Variants in FHIT observed in about 807,000 individuals in gnomAD.
FHIT encodes bis(5'-adenosyl)-triphosphatase.
A neutral mutation model predicts 17.9 loss-of-function variants in FHIT; 19 were observed. The observed-to-expected ratio is 1.06, with a 90% CI of 0.74 to 1.56. FHIT has a LOEUF of 1.56. Ranked by LOEUF, FHIT falls within the 40% of genes most tolerant of loss-of-function variation. FHIT has a pLI of 0.00. For synonymous variants in FHIT, 81 were observed against 69.7 expected (o/e 1.16, Z -0.81); for missense variants, 248 against 189.2 (o/e 1.31, Z -1.82).
intron 8 of FHIT, among the ~76,000 whole-genome samples, chr3:59,756,747 G>A (rs1701240318): frequency 6.6e-6 from 1 of 152,152 alleles, no homozygotes; most frequent in Non-Finnish European, 1.5e-5. Context: ...GGGATCATGT[G>A]CAGGAAGATA....
At chr3:60,054,429 C>T (rs1006571638) in intron 5 of FHIT, among the ~76,000 whole-genome samples, 7 of 151,956 alleles carry the variant, frequency 4.6e-5, no homozygotes, top group Non-Finnish European at 5.9e-5. Context: ...GTAAATGCAC[C>T]CTGTGATCCT....
intron 2 of FHIT, among the ~76,000 whole-genome samples, chr3:61,185,419 A>G (rs565829781): frequency 6.6e-6 from 1 of 152,292 alleles, no homozygotes; most frequent in South Asian, 2.1e-4. Context: ...AGCAGACACA[A>G]GTGATCATCA....
At chr3:60,526,137 T>TACACACACACACACACAC (rs59137290) in intron 5 of FHIT, among the ~76,000 whole-genome samples, 3,373 of 148,080 alleles carry the variant, frequency 0.023, 137 homozygotes, top group East Asian at 0.17. Flanking sequence ...ACACAACACA[T>TACACACACACACACACAC]ACACACACAC....
chr3:60,538,849 C>T (rs1282642775), intron 4 of FHIT, among the ~76,000 whole-genome samples: 2 of 152,176 alleles, frequency 1.3e-5, no homozygotes, highest in East Asian at 1.9e-4. Context: ...TAGAAGAAAA[C>T]CTAGGCAATA....
At chr3:60,145,454 A>G (rs950203380) in intron 5 of FHIT, among the ~76,000 whole-genome samples, 9 of 152,204 alleles carry the variant, frequency 5.9e-5, no homozygotes, top group African/African-American at 2.2e-4. Context: ...GCTGGATATG[A>G]GCATTTCCAA....
intron 8 of FHIT, among the ~76,000 whole-genome samples, chr3:59,787,567 C>T (rs1035016243): frequency 7.3e-5 from 11 of 151,576 alleles, no homozygotes; most frequent in African/African-American, 1.5e-4. Context: ...AGTAAAATGC[C>T]ATTTTCTTTT....
intron 5 of FHIT, among the ~76,000 whole-genome samples, chr3:60,499,928 G>T (rs570891371): frequency 5.6e-4 from 86 of 152,234 alleles, no homozygotes; most frequent in Middle Eastern, 3.4e-3. Context: ...TGTTGTTTGT[G>T]ATTTATGGGT....
At chr3:60,228,736 A>C (rs1416567871) in intron 5 of FHIT, among the ~76,000 whole-genome samples, 7 of 152,216 alleles carry the variant, frequency 4.6e-5, no homozygotes, top group Non-Finnish European at 8.8e-5. Flanking sequence ...TGAATAAAAC[A>C]ATATTAGATA....
chr3:60,970,267 T>C (rs1015192234), intron 3 of FHIT, among the ~76,000 whole-genome samples: 2 of 152,242 alleles, frequency 1.3e-5, no homozygotes, highest in Non-Finnish European at 2.9e-5. Context: ...TATATGTACC[T>C]ATACATATAG....
chr3:60,185,898 A>G (rs1702139007), intron 5 of FHIT, among the ~76,000 whole-genome samples: 1 of 152,192 alleles, frequency 6.6e-6, no homozygotes, highest in South Asian at 2.1e-4. Context: ...CTCTCTACCA[A>G]CATGTGACGT....
intron 5 of FHIT, among the ~76,000 whole-genome samples, chr3:60,061,531 T>G (rs1298088894): frequency 6.6e-6 from 1 of 152,202 alleles, no homozygotes; most frequent in Non-Finnish European, 1.5e-5. Flanking sequence ...ATTTTTGCAT[T>G]TCGATTCCCT....
intron 4 of FHIT, among the ~76,000 whole-genome samples, chr3:60,544,514 A>G (rs2036296331): frequency 6.6e-6 from 1 of 151,130 alleles, no homozygotes; most frequent in Non-Finnish European, 1.5e-5. Flanking sequence ...GTCACAAGGT[A>G]TTATTTTTTA....
intron 8 of FHIT, among the ~76,000 whole-genome samples, chr3:59,756,642 C>A (rs1299063435): frequency 3.3e-5 from 5 of 152,134 alleles, no homozygotes; most frequent in African/African-American, 1.2e-4. Flanking sequence ...ACATAGCAGA[C>A]CCCTTAAAAA....
intron 5 of FHIT, among the ~76,000 whole-genome samples, chr3:60,494,370 G>C (rs150632943): frequency 6.6e-6 from 1 of 151,928 alleles, no homozygotes; most frequent in East Asian, 1.9e-4. Context: ...ATATTTATGG[G>C]GTACATGACA....
chr3:60,297,888 G>C (rs549104786), intron 5 of FHIT, among the ~76,000 whole-genome samples: 1 of 152,232 alleles, frequency 6.6e-6, no homozygotes, highest in South Asian at 2.1e-4. Context: ...TTGGATGTCA[G>C]TTGTGTACCC....
chr3:60,980,535 GA>G (rs1710450208), intron 3 of FHIT, among the ~76,000 whole-genome samples: 1 of 152,170 alleles, frequency 6.6e-6, no homozygotes, highest in Non-Finnish European at 1.5e-5. Flanking sequence ...CACAGAAAAT[GA>G]AAATCTCCTC....
chr3:60,283,109 T>C (rs992940926), intron 5 of FHIT, among the ~76,000 whole-genome samples: 6 of 152,274 alleles, frequency 3.9e-5, no homozygotes, highest in Admixed American at 3.9e-4. Context: ...TAGCGGCCTC[T>C]GTTCATGTTC....
In FHIT at chr3:59,857,183, G is replaced by A. The variant is rs182822397; in HGVS notation, c.348+65163C>T. 3.9e-5 allele frequency among the ~76,000 whole-genome samples: 6 copies of A among 152,272 alleles called. 1 individual carries two copies. The highest frequency in any genetic ancestry group is 1.4e-4 in the African/African-American group (6 of 41,550). On this transcript the variant is annotated intron_variant, in intron 8 of 9. Transcript: ENST00000492590. ...TTCAGGGGAAGCAGTTTTCAAGTTGGGGTTTGATTTGTGACATGTGAGATT... is the reference window on the plus strand; with the variant it reads ...TTCAGGGGAAGCAGTTTTCAAGTTGAGGTTTGATTTGTGACATGTGAGATT...
intron 4 of FHIT, among the ~76,000 whole-genome samples, chr3:60,709,906 T>G (rs2041473603): frequency 6.6e-6 from 1 of 152,080 alleles, no homozygotes; most frequent in South Asian, 2.1e-4. Flanking sequence ...ATAATTATAG[T>G]TTGTCTTTCA....
Sources: gnomAD v4.1 joint callset for allele counts (sites outside exome capture counted in the v4.1 genomes callset) on GRCh38, gnomAD v4.1.1 for gene constraint, MANE v1.5 for transcripts, NCBI Gene and HGNC (gene_info 2026-07-23, HGNC 2026-07-21) for gene names.